Variants in FRAS1 observed in about 807,000 individuals in gnomAD.
FRAS1 encodes the protein extracellular matrix organizing protein FRAS1.
Under a neutral mutation model 435.2 loss-of-function variants are expected in FRAS1, and 290 were observed. The observed-to-expected ratio is 0.67, with a 90% CI of 0.61 to 0.73. FRAS1 has a LOEUF of 0.73. FRAS1 is among the 30% of genes least tolerant of loss of function. The pLI is 0.00. For synonymous variants in FRAS1, 1,800 were observed against 1,851.0 expected (o/e 0.97, Z 0.71); for missense variants, 4,860 against 5,001.5 (o/e 0.97, Z 0.85).
chr4:78,468,485 A>ACATCATCATCATCATCATCATCATCAT (rs11267487), intron 50 of FRAS1, among the ~76,000 whole-genome samples: 10 of 150,132 alleles, frequency 6.7e-5, no homozygotes, highest in African/African-American at 2.5e-4. Context: ...GAAGCTGTAA[A>ACATCATCATCATCATCATCATCATCAT]CATCATCATC....
intron 1 of FRAS1, among the ~76,000 whole-genome samples, chr4:78,064,684 C>T (rs953262740): frequency 1.3e-5 from 2 of 151,230 alleles, no homozygotes; most frequent in African/African-American, 2.4e-5. Flanking sequence ...TTGATTCAAA[C>T]CTAAGTGTAA....
chr4:78,339,359 G>A (rs914404003), intron 20 of FRAS1, among the ~76,000 whole-genome samples: 3 of 152,168 alleles, frequency 2.0e-5, no homozygotes, highest in African/African-American at 7.2e-5. Flanking sequence ...TGATGTTTGA[G>A]GGGGATACAG....
chr4:78,281,664 C>T (rs1285432479), intron 11 of FRAS1, among the ~76,000 whole-genome samples: 6 of 152,210 alleles, frequency 3.9e-5, no homozygotes, highest in Admixed American at 3.9e-4. Flanking sequence ...TCTCTAACCA[C>T]AAGCTCCTAC....
chr4:78,367,462 A>G (rs998688919), intron 22 of FRAS1, among the ~76,000 whole-genome samples: 2 of 151,814 alleles, frequency 1.3e-5, no homozygotes, highest in South Asian at 2.1e-4. Flanking sequence ...GAAGTAAGTC[A>G]TAAGAAACCC....
intron 72 of FRAS1, among the ~76,000 whole-genome samples, chr4:78,537,755 A>G (rs930558323): frequency 6.6e-6 from 1 of 152,086 alleles, no homozygotes; most frequent in Non-Finnish European, 1.5e-5. Flanking sequence ...CAAGCCTGAG[A>G]AACATAAGGA....
At chr4:78,139,419 T>C (rs1720066114) in intron 2 of FRAS1, among the ~76,000 whole-genome samples, 1 of 152,192 alleles carries the variant, frequency 6.6e-6, no homozygotes, top group South Asian at 2.1e-4. Context: ...TCCTACAAAT[T>C]ATGACTTTTT....
chr4:78,387,715 C>A lies in FRAS1; in HGVS notation c.3975+14C>A, dbSNP rs779196926. ...ACCGTGCCTCAGGTAGGTGTCATTC[C>A]TAGAGTTACAGTTTCTTTGCACCTA... On this transcript the variant is annotated intron_variant, in intron 29 of 73. Coordinates refer to ENST00000512123, the MANE Select transcript of FRAS1 (RefSeq NM_025074.7). The A allele has an allele frequency of 6.8e-7, 1 of 1,477,660 alleles. No homozygotes were observed. Among genetic ancestry groups the A allele is most frequent in the East Asian group, 2.3e-5 (1 of 43,510 alleles). The allele number at this position is 1,477,660 out of a possible 1,614,324, so 91.5% of individuals were successfully genotyped here. A position where few individuals can be genotyped will look rare whatever the true frequency, so the allele number is the denominator to read the frequency against.
rs1231600227 is a variant in FRAS1 at position 78,375,871 on chromosome 4, C to G, written c.3284C>G (p.Thr1095Arg). The G allele has an allele frequency of 7.4e-6, 12 of 1,613,660 alleles. No individual in the cohort carries two copies. Among genetic ancestry groups the G allele is most frequent in the Non-Finnish European group, 1.0e-5 (12 of 1,179,816 alleles). Reference sequence around the variant, plus strand: ...TTTTCTGTCCACACCTCTAATGAAACATGTTCTGGTAAGTGCTTCTCCTCA... The same window carrying G: ...TTTTCTGTCCACACCTCTAATGAAAGATGTTCTGGTAAGTGCTTCTCCTCA... ...PGFSVHTSNE[T>R]CSGKIHTPSL... Residue 1095 changes from threonine to arginine, a missense_variant, in exon 26 of 74, where the codon ACA (threonine) becomes AGA (arginine). Coordinates refer to ENST00000512123, the MANE Select transcript of FRAS1 (RefSeq NM_025074.7).
chr4:78,384,498 G>A (rs1732141593), intron 28 of FRAS1, among the ~76,000 whole-genome samples: 1 of 152,198 alleles, frequency 6.6e-6, no homozygotes, highest in South Asian at 2.1e-4. Context: ...CTAATAAATA[G>A]GGAGTCAATG....
rs140570785 is a variant in FRAS1 at position 78,420,312 on chromosome 4, G to A, written c.4540+1249G>A. 2.7e-3 allele frequency among the ~76,000 whole-genome samples: 410 copies of A among 152,210 alleles called. 1 individual carries two copies. The highest frequency in any genetic ancestry group is 9.3e-3 in the African/African-American group (386 of 41,516). On this transcript the variant is annotated intron_variant, in intron 33 of 73. Transcript: ENST00000512123. Reference sequence around the variant, plus strand: ...TGTAATCTGCTAAGTCATAGCTAACGGTTCTCCCTACATTGCCAGAGTCGA... The same window carrying A: ...TGTAATCTGCTAAGTCATAGCTAACAGTTCTCCCTACATTGCCAGAGTCGA...
chr4:78,184,646 T>C (rs1578172921), intron 2 of FRAS1, among the ~76,000 whole-genome samples: 1 of 152,184 alleles, frequency 6.6e-6, no homozygotes, highest in Non-Finnish European at 1.5e-5. Flanking sequence ...GGGCATGAGC[T>C]GAAGCTGTTC....
Position 78,237,561 on chromosome 4 carries a change from G to C in FRAS1, c.160G>C (p.Asp54His), listed in dbSNP as rs17003071. ...DSCQSCRCHG[D>H]IVICKPAVCR... ...ATGCCAGAGCTGCCGTTGCCATGGTGATATTGTTATCTGCAAACCTGCTGT... is the reference window on the plus strand; with the variant it reads ...ATGCCAGAGCTGCCGTTGCCATGGTCATATTGTTATCTGCAAACCTGCTGT... Residue 54 changes from aspartate to histidine, a missense_variant, in exon 3 of 74, where the codon GAT becomes CAT. Asp to His is a moderately conservative substitution (Grantham distance 81). Coordinates refer to ENST00000512123, the MANE Select transcript of FRAS1 (RefSeq NM_025074.7). 0.011 allele frequency: 17,553 copies of C among 1,613,084 alleles called. 635 individuals carry two copies. The African/African-American group carries it at 0.12, about 11-fold the overall frequency.
chr4:78,227,313 A>T (rs1724316035), intron 2 of FRAS1, among the ~76,000 whole-genome samples: 1 of 152,228 alleles, frequency 6.6e-6, no homozygotes, highest in Non-Finnish European at 1.5e-5. Context: ...GTTATGTCTC[A>T]CTCATTATAT....
chr4:78,225,488 G>A (rs553295312), intron 2 of FRAS1, among the ~76,000 whole-genome samples: 3 of 152,158 alleles, frequency 2.0e-5, no homozygotes, highest in Non-Finnish European at 4.4e-5. Context: ...CCCAGTCCAC[G>A]GCTCTTTTTC....
rs558293872 is a variant in FRAS1, at chr4:78,526,343, A to G, written c.10809-198A>G. On this transcript the variant is annotated intron_variant, in intron 69 of 73. Coordinates refer to ENST00000512123, the MANE Select transcript of FRAS1 (RefSeq NM_025074.7). ...GAATACATGAAAGTAGCTCTATTTAACACCTCTGGATAATACTCTGAAGGT... is the reference window on the plus strand; with the variant it reads ...GAATACATGAAAGTAGCTCTATTTAGCACCTCTGGATAATACTCTGAAGGT... 1.6e-4 allele frequency among the ~76,000 whole-genome samples: 24 copies of G among 152,304 alleles called. No homozygotes were observed. The South Asian group carries it at 4.4e-3, about 28-fold the overall frequency.
intron 69 of FRAS1, 88 bp from the exon 70 acceptor site, chr4:78,526,453 A>T (rs1441797423): frequency 5.1e-6 from 4 of 783,998 alleles, no homozygotes; most frequent in Non-Finnish European, 8.4e-6. Context: ...CCACCTGAAA[A>T]CTGTTTAGTG....
intron 2 of FRAS1, among the ~76,000 whole-genome samples, chr4:78,119,520 C>G (rs1385988343): frequency 2.0e-5 from 3 of 152,114 alleles, no homozygotes; most frequent in Non-Finnish European, 4.4e-5. Context: ...GGATTTCATT[C>G]TTTTTATGGC....
At chr4:78,107,333 A>C (rs1406882286) in intron 2 of FRAS1, among the ~76,000 whole-genome samples, 1 of 17,334 alleles carries the variant, frequency 5.8e-5, no homozygotes, top group Non-Finnish European at 9.7e-5. Context: ...AAAAAATGTT[A>C]AGGGCAGCCA....
intron 70 of FRAS1, among the ~76,000 whole-genome samples, chr4:78,529,217 C>A (rs1721637511): frequency 6.6e-6 from 1 of 151,868 alleles, no homozygotes; most frequent in Non-Finnish European, 1.5e-5. Flanking sequence ...CCATAGTTAG[C>A]CGAATGAAGG....
Sources: gnomAD v4.1 joint callset for allele counts (sites outside exome capture counted in the v4.1 genomes callset) on GRCh38, gnomAD v4.1.1 for gene constraint, MANE v1.5 for transcripts, NCBI Gene and HGNC (gene_info 2026-07-23, HGNC 2026-07-21) for gene names.